WDPCP: variants seen among roughly 807,000 people sequenced by gnomAD.
The protein encoded by WDPCP is WD repeat containing planar cell polarity effector, also known as WD repeat-containing and planar cell polarity effector protein fritz homolog.
A neutral mutation model predicts 93.1 loss-of-function variants in WDPCP; 71 were observed. That is an observed-to-expected ratio of 0.76 (90% CI 0.63 to 0.93). WDPCP has a LOEUF of 0.93. Among genes scored for constraint, WDPCP ranks in the 40% least tolerant of loss-of-function variants. The pLI is 0.00. For synonymous variants in WDPCP, 315 were observed against 315.0 expected, an observed-to-expected ratio of 1.00 and a Z score of 0.00; for missense variants, 844 against 887.4, an observed-to-expected ratio of 0.95 and a Z score of 0.62.
chr2:63,555,790 G>A (rs899080954), intron 1 of WDPCP, among the ~76,000 whole-genome samples: 12 of 151,540 alleles, frequency 7.9e-5, no homozygotes, highest in African/African-American at 2.9e-4. Flanking sequence ...AAAACAAACA[G>A]AAAGGAACAA....
chr2:63,382,842 G>A (rs1338394775), intron 10 of WDPCP, among the ~76,000 whole-genome samples: 2 of 152,100 alleles, frequency 1.3e-5, no homozygotes, highest in East Asian at 1.9e-4. Flanking sequence ...ACTATACTAA[G>A]CAGTAAAACT....
chr2:63,811,212 T>G (rs1426529160), intron 2 of WDPCP, among the ~76,000 whole-genome samples: 1 of 152,232 alleles, frequency 6.6e-6, no homozygotes, highest in Non-Finnish European at 1.5e-5. Context: ...TGCCTCTTGG[T>G]GTTCACATCT....
rs1405886381 is a variant in WDPCP at position 63,224,147 on chromosome 2, A to T, written c.1915+35160T>A. On this transcript the variant is annotated intron_variant, in intron 14 of 17. Transcript: ENST00000272321. ...ATAAGCATAGGAAAAGATACGCCAC[A>T]TCATATGTCATTAAGGAAATGCAAT... Among the ~76,000 whole-genome samples, 2 of 152,128 alleles carry T rather than the reference A, an allele frequency of 1.3e-5. 1 individual carries two copies. Among genetic ancestry groups the T allele is most frequent in the Admixed American group, 1.3e-4 (2 of 15,232 alleles).
intron 14 of WDPCP, among the ~76,000 whole-genome samples, chr2:63,242,555 GA>G (rs1679937850): frequency 1.3e-5 from 2 of 152,306 alleles, no homozygotes; most frequent in African/African-American, 4.8e-5. Context: ...CTGGAAGTTT[GA>G]GGCTGCAGTG....
chr2:63,704,509 G>A (rs149085527), intron 2 of WDPCP, among the ~76,000 whole-genome samples: 5 of 152,228 alleles, frequency 3.3e-5, no homozygotes, highest in Admixed American at 3.3e-4. Context: ...TAGCATGAAG[G>A]GTTGTTGAAT....
At chr2:63,313,640 C>T (rs374229222) in intron 12 of WDPCP, among the ~76,000 whole-genome samples, 1 of 151,852 alleles carries the variant, frequency 6.6e-6, no homozygotes, top group Non-Finnish European at 1.5e-5. Flanking sequence ...TCCCTCTCAG[C>T]TATAGAAATC....
At chr2:63,194,215 A>AT (rs949983748) in intron 14 of WDPCP, among the ~76,000 whole-genome samples, 1 of 152,160 alleles carries the variant, frequency 6.6e-6, no homozygotes, top group Non-Finnish European at 1.5e-5. Context: ...ATATTTTTCC[A>AT]TTTTTTTAGA....
intron 9 of WDPCP, among the ~76,000 whole-genome samples, chr2:63,407,184 C>T (rs190166785): frequency 1.4e-4 from 22 of 151,906 alleles, no homozygotes; most frequent in Non-Finnish European, 2.1e-4. Flanking sequence ...ATAAAGGTGA[C>T]CTGAAAGAGG....
chr2:63,734,866 T>TAGACAGACAGAC (rs776324098), intron 2 of WDPCP, among the ~76,000 whole-genome samples: 1 of 131,926 alleles, frequency 7.6e-6, no homozygotes, highest in Admixed American at 8.4e-5. Flanking sequence ...TGGAGATAGA[T>TAGACAGACAGAC]AGATAGACAG....
intron 1 of WDPCP, among the ~76,000 whole-genome samples, chr2:63,567,406 C>G (rs1707158360): frequency 6.6e-6 from 1 of 152,208 alleles, no homozygotes; most frequent in Non-Finnish European, 1.5e-5. Flanking sequence ...AAACCAAGAA[C>G]AAAGACCAAG....
Position 63,700,274 on chromosome 2 carries a change from C to T in WDPCP, n.309-49436G>A, listed in dbSNP as rs1369279492. On this transcript the variant is annotated intron_variant and non_coding_transcript_variant, in intron 2 of 4. Coordinates refer to the WDPCP transcript ENST00000467687. ...CTGCAGCCTGGGTGACAGAGTGAGA[C>T]CCTGTCTCAAAAAAAAAAAAAAAAA... Among the ~76,000 whole-genome samples the T allele has an allele frequency of 2.4e-5, 3 of 123,964 alleles. No homozygotes were observed. The Admixed American group carries it at 2.6e-4, about 11-fold the overall frequency. The allele number at this position is 123,964 out of a possible 152,430, so 81.3% of individuals were successfully genotyped here.
intron 12 of WDPCP, chr2:63,368,892 A>G (rs1393177645): frequency 6.5e-6 from 1 of 153,034 alleles, no homozygotes; most frequent in Admixed American, 6.5e-5. Context: ...TGAGCTCTGC[A>G]GATGTTATAA....
At chr2:63,684,338 G>A (rs951922511) in intron 2 of WDPCP, 14 of 657,050 alleles carry the variant, frequency 2.1e-5, no homozygotes, top group South Asian at 4.4e-5. Context: ...GGAAGGTGTC[G>A]CTTGTCCTGG....
intron 13 of WDPCP, among the ~76,000 whole-genome samples, chr2:63,303,968 G>C (rs1268932497): frequency 6.2e-5 from 3 of 48,074 alleles, no homozygotes; most frequent in Non-Finnish European, 1.1e-4. Context: ...TTAGTAAAAA[G>C]TCAAAAAAAA....
chr2:63,451,675 C>T (rs1211514430), intron 6 of WDPCP, among the ~76,000 whole-genome samples: 4 of 152,302 alleles, frequency 2.6e-5, no homozygotes, highest in African/African-American at 4.8e-5. Flanking sequence ...CCCTGATGAA[C>T]ACTGATGCAA....
At chr2:63,521,575 C>T (rs1462953171) in intron 1 of WDPCP, among the ~76,000 whole-genome samples, 1 of 152,152 alleles carries the variant, frequency 6.6e-6, no homozygotes, top group Admixed American at 6.5e-5. Context: ...CACAATAATA[C>T]TGGGAGACTT....
intron 12 of WDPCP, among the ~76,000 whole-genome samples, chr2:63,354,026 A>G (rs966443533): frequency 6.6e-6 from 1 of 152,134 alleles, no homozygotes; most frequent in Non-Finnish European, 1.5e-5. Flanking sequence ...CTTCAGGGGC[A>G]ACTGAAAGCC....
intron 14 of WDPCP, among the ~76,000 whole-genome samples, chr2:63,227,214 A>G (rs1489035180): frequency 6.6e-6 from 1 of 151,966 alleles, no homozygotes; most frequent in African/African-American, 2.4e-5. Context: ...TGCCCACTGA[A>G]TGAACAACTT....
At chr2:63,725,898 T>C (rs1015338111) in intron 2 of WDPCP, among the ~76,000 whole-genome samples, 1 of 152,142 alleles carries the variant, frequency 6.6e-6, no homozygotes, top group Non-Finnish European at 1.5e-5. Context: ...GGGTTTTCTT[T>C]TGTTTGTTAA....
Sources: allele counts gnomAD v4.1 joint callset (sites outside exome capture counted in the v4.1 genomes callset), GRCh38; gene constraint gnomAD v4.1.1; transcripts MANE v1.5; gene names NCBI Gene and HGNC (gene_info 2026-07-23, HGNC 2026-07-21).